JAK2: variants seen among roughly 807,000 people sequenced by gnomAD.
JAK2 encodes the protein Janus kinase 2.
Under a neutral mutation model 139.3 loss-of-function variants are expected in JAK2, and 86 were observed. The observed-to-expected ratio is 0.62, with a 90% confidence interval of 0.52 to 0.74. The LOEUF (loss-of-function observed/expected upper bound fraction) is 0.74, where lower values mean the gene tolerates loss of function less well. Among genes scored for constraint, JAK2 ranks in the 30% least tolerant of loss-of-function variants. The pLI, the probability that JAK2 is intolerant of heterozygous loss-of-function variation, is 0.00. For missense variants in JAK2, 1,421 were observed against 1,360.3 expected, an observed-to-expected ratio of 1.04 and a Z score of -0.70; for synonymous variants, 490 against 437.7, an observed-to-expected ratio of 1.12 and a Z score of -1.49.
intron 5 of JAK2, among the ~76,000 whole-genome samples, chr9:5,045,768 A>G (rs1162594542): frequency 6.6e-6 from 1 of 152,174 alleles, no homozygotes; most frequent in Non-Finnish European, 1.5e-5. Flanking sequence ...TTAAGGCTGA[A>G]TAATATTCCA....
At chr9:5,095,479 A>G (rs1322732287) in intron 22 of JAK2, among the ~76,000 whole-genome samples, 2 of 151,992 alleles carry the variant, frequency 1.3e-5, no homozygotes, top group African/African-American at 4.8e-5. Flanking sequence ...CGGGCAATGG[A>G]CAATAATAAA....
chr9:5,112,642 C>A, intron 22 of JAK2: 1 of 1,004,926 alleles, frequency 1.0e-6, no homozygotes, highest in Admixed American at 2.7e-5. Context: ...GCGAGAAGCC[C>A]CAGACCAAAC....
At chr9:5,013,784 T>C (rs1266114548) in intron 2 of JAK2, among the ~76,000 whole-genome samples, 1 of 152,206 alleles carries the variant, frequency 6.6e-6, no homozygotes, top group Non-Finnish European at 1.5e-5. Context: ...ATTTTTAAAA[T>C]TTATTTTGTA....
intron 22 of JAK2, among the ~76,000 whole-genome samples, chr9:5,107,587 C>G (rs1166713176): frequency 6.6e-6 from 1 of 152,020 alleles, no homozygotes; most frequent in Non-Finnish European, 1.5e-5. Context: ...TAGTTTAAGT[C>G]AAAAGAAATG....
intron 2 of JAK2, among the ~76,000 whole-genome samples, chr9:5,002,961 C>T (rs1821015252): frequency 6.6e-6 from 1 of 151,902 alleles, no homozygotes; most frequent in Non-Finnish European, 1.5e-5. Context: ...TATGAATAAC[C>T]AGTTGACTAA....
intron 6 of JAK2, among the ~76,000 whole-genome samples, chr9:5,052,258 A>G (rs1817466449): frequency 6.6e-6 from 1 of 152,094 alleles, no homozygotes; most frequent in African/African-American, 2.4e-5. Context: ...AGTTTCTTCC[A>G]GTTTGAGAAT....
intron 2 of JAK2, among the ~76,000 whole-genome samples, chr9:5,014,496 A>G (rs1045914620): frequency 1.3e-5 from 2 of 152,214 alleles, no homozygotes; most frequent in African/African-American, 2.4e-5. Context: ...GTACAAGACA[A>G]TGAGCAAAAT....
intron 2 of JAK2, among the ~76,000 whole-genome samples, chr9:5,017,877 T>G (rs572466232): frequency 6.6e-6 from 1 of 152,322 alleles, no homozygotes; most frequent in African/African-American, 2.4e-5. Context: ...CCTTTATCAT[T>G]CTAGAATTAC....
chr9:5,025,470 T>C (rs1822720263), intron 3 of JAK2, among the ~76,000 whole-genome samples: 1 of 152,038 alleles, frequency 6.6e-6, no homozygotes, highest in South Asian at 2.1e-4. Context: ...TTCCTTCCCT[T>C]CTTCTGTCTC....
intron 2 of JAK2, among the ~76,000 whole-genome samples, chr9:5,010,553 T>A (rs1210570835): frequency 1.3e-5 from 2 of 152,170 alleles, no homozygotes; most frequent in African/African-American, 4.8e-5. Flanking sequence ...ACTCCTGACC[T>A]CAGGTGATTC....
chr9:5,086,859 GT>G (rs1820155839), intron 19 of JAK2, among the ~76,000 whole-genome samples: 1 of 152,168 alleles, frequency 6.6e-6, no homozygotes, highest in South Asian at 2.1e-4. Context: ...TCATAGAGCA[GT>G]TTGTATCAAG....
At chr9:5,092,445 G>A (rs1471779671) in intron 22 of JAK2, among the ~76,000 whole-genome samples, 3 of 152,068 alleles carry the variant, frequency 2.0e-5, no homozygotes, top group South Asian at 2.1e-4. Flanking sequence ...GCTTACACCC[G>A]GAAGATTTCA....
chr9:5,090,373 T>C (rs1046223872), intron 20 of JAK2, 73 bp from the exon 21 acceptor site: 17 of 1,100,250 alleles, frequency 1.5e-5, no homozygotes, highest in Non-Finnish European at 1.8e-5. Flanking sequence ...GTCATTTATG[T>C]ATGATAGTTT....
At chr9:5,032,795 A>G (rs1206123489) in intron 4 of JAK2, among the ~76,000 whole-genome samples, 2 of 152,230 alleles carry the variant, frequency 1.3e-5, no homozygotes, top group Non-Finnish European at 2.9e-5. Flanking sequence ...AAAGATGGGG[A>G]AAAAACAGAG....
chr9:5,005,241 C>T (rs1046988107), intron 2 of JAK2, among the ~76,000 whole-genome samples: 2 of 151,466 alleles, frequency 1.3e-5, no homozygotes, highest in Admixed American at 6.6e-5. Flanking sequence ...TGAGCCACTG[C>T]ACCCAGTCTG....
intron 2 of JAK2, among the ~76,000 whole-genome samples, chr9:4,996,415 T>TAG (rs2129777368): frequency 6.6e-6 from 1 of 152,202 alleles, no homozygotes; most frequent in South Asian, 2.1e-4. Context: ...GCCATTGCAC[T>TAG]CTAGCCTGGG....
intron 19 of JAK2, among the ~76,000 whole-genome samples, chr9:5,083,958 C>T (rs1819893867): frequency 6.6e-6 from 1 of 151,842 alleles, no homozygotes; most frequent in Admixed American, 6.6e-5. Context: ...TCAAGATTTT[C>T]CCATTATTAA....
At chr9:5,074,224 T>C (rs1819161807) in intron 14 of JAK2, among the ~76,000 whole-genome samples, 1 of 152,146 alleles carries the variant, frequency 6.6e-6, no homozygotes, top group Non-Finnish European at 1.5e-5. Context: ...TTTGGCTAAA[T>C]TTAGGTGTTC....
intron 14 of JAK2, among the ~76,000 whole-genome samples, chr9:5,076,884 C>T (rs569183125): frequency 1.3e-5 from 2 of 152,166 alleles, no homozygotes; most frequent in South Asian, 4.1e-4. Flanking sequence ...TGAAGGAATC[C>T]AGGATTGTTT....
Sources: allele counts gnomAD v4.1 joint callset (sites outside exome capture counted in the v4.1 genomes callset), GRCh38; gene constraint gnomAD v4.1.1; transcripts MANE v1.5; gene names NCBI Gene and HGNC (gene_info 2026-07-23, HGNC 2026-07-21).